Variants in KIF9 observed in about 807,000 individuals in gnomAD.
The protein encoded by KIF9 is kinesin-like protein KIF9.
In KIF9, 68 loss-of-function variants were observed where a neutral mutation model predicts 94.8. That is an observed-to-expected ratio of 0.72 (90% CI 0.59 to 0.88). The LOEUF is 0.88. Among genes scored for constraint, KIF9 ranks in the 40% least tolerant of loss-of-function variants. The probability of loss-of-function intolerance (pLI) is 0.00; values close to 1 mark genes in which losing one functional copy is unlikely to be tolerated. For synonymous variants in KIF9, 343 were observed against 362.1 expected, an observed-to-expected ratio of 0.95 and a Z score of 0.60; for missense variants, 882 against 982.5, an observed-to-expected ratio of 0.90 and a Z score of 1.37.
At chr3:47,232,441 C>T (rs1314768434) in intron 20 of KIF9, among the ~76,000 whole-genome samples, 2 of 151,894 alleles carry the variant, frequency 1.3e-5, no homozygotes, top group East Asian at 2.0e-4. Context: ...TGCGTCACCA[C>T]ACCCGGCTAA....
At chr3:47,236,214 T>C in intron 18 of KIF9, 65 bp from the exon 19 acceptor site, 1 of 1,258,292 alleles carries the variant, frequency 7.9e-7, no homozygotes, top group East Asian at 2.3e-5. Flanking sequence ...TCATCTGTCT[T>C]ATATCTGTTG....
intron 16 of KIF9, among the ~76,000 whole-genome samples, chr3:47,241,874 ATATATATATATTTTT>A (rs1346475382): frequency 1.9e-5 from 2 of 107,404 alleles, no homozygotes; most frequent in Non-Finnish European, 3.5e-5. Flanking sequence ...ACATATATAT[ATATATATATATTTTT>A]TTTTTTTTTT....
intron 11 of KIF9, among the ~76,000 whole-genome samples, chr3:47,247,778 C>T (rs557106372): frequency 6.6e-6 from 1 of 152,282 alleles, no homozygotes; most frequent in South Asian, 2.1e-4. Flanking sequence ...ATGAGAAAGG[C>T]GAGGACGGGA....
chr3:47,237,518 T>C (rs1296145185), intron 17 of KIF9, among the ~76,000 whole-genome samples: 1 of 152,202 alleles, frequency 6.6e-6, no homozygotes, highest in African/African-American at 2.4e-5. Flanking sequence ...GGTCTGTCAG[T>C]TCAGTGACAG....
Position 47,243,159 on chromosome 3 carries a change from G to A in KIF9, c.1601C>T (p.Pro534Leu), listed in dbSNP as rs1699691649. 6.2e-7 allele frequency: 1 copy of A among 1,613,952 alleles called. No individual in the cohort carries two copies. Residue 534 changes from proline to leucine, a missense_variant, in exon 16 of 21, where the codon CCA (proline) becomes CTA (leucine). Coordinates refer to ENST00000684063, the MANE Select transcript of KIF9 (RefSeq NM_182902.4). Reference sequence around the variant, plus strand: ...TTTGACATCCCCATCTTTGGAGGATGGGACCAGCTGGGTCTTGGAGGTGGA... The same window carrying A: ...TTTGACATCCCCATCTTTGGAGGATAGGACCAGCTGGGTCTTGGAGGTGGA... ...YVSTSKTQLV[P>L]SSKDGDVKDM...
intron 20 of KIF9, among the ~76,000 whole-genome samples, chr3:47,234,704 G>C (rs1465326511): frequency 6.7e-6 from 1 of 150,194 alleles, no homozygotes; most frequent in Non-Finnish European, 1.5e-5. Context: ...ACAGACATGT[G>C]CCACCACGCC....
At position 47,280,994 on chromosome 3, in the gene KIF9, T is replaced by C. The variant is rs1178368048; in HGVS notation, c.-6+1501A>G. The C allele has an allele frequency of 8.5e-6, 6 of 702,920 alleles. No homozygotes were observed. In the African/African-American group the frequency reaches 1.0e-4, roughly 12 times the overall value. The allele number at this position is 702,920 out of a possible 1,614,324, so 43.5% of individuals were successfully genotyped here. ...CCATTCTTACGTCGCTTCATTTGAG[T>C]GGGTTTCAGTTCCCAAAATTAAATT... On this transcript the variant is annotated intron_variant, in intron 1 of 20. Coordinates refer to ENST00000684063, the MANE Select transcript of KIF9 (RefSeq NM_182902.4).
intron 9 of KIF9, among the ~76,000 whole-genome samples, chr3:47,260,665 C>T (rs1439867443): frequency 6.6e-6 from 1 of 152,174 alleles, no homozygotes; most frequent in Non-Finnish European, 1.5e-5. Flanking sequence ...CACTGAAAAA[C>T]AGGGAGGTCA....
At chr3:47,261,779 C>G (rs973508744) in intron 9 of KIF9, among the ~76,000 whole-genome samples, 5 of 152,156 alleles carry the variant, frequency 3.3e-5, no homozygotes, top group Non-Finnish European at 7.4e-5. Context: ...ACAGCGAGCC[C>G]TCAAGAAGAC....
At chr3:47,250,148 G>C (rs1194325466) in intron 10 of KIF9, among the ~76,000 whole-genome samples, 1 of 151,148 alleles carries the variant, frequency 6.6e-6, no homozygotes, top group Non-Finnish European at 1.5e-5. Context: ...ACATATTCTA[G>C]ATTAGTGCTG....
Position 47,273,549 on chromosome 3 carries a change from T to C in KIF9, c.366+3A>G. 1 of 1,595,382 alleles carries C rather than the reference T, an allele frequency of 6.3e-7. No homozygotes were observed. The highest frequency in any genetic ancestry group is 8.5e-7 in the Non-Finnish European group (1 of 1,169,748). ...GCATCCCACCCTTGGGCCCACTCTC[T>C]ACCTGCTGCAGGGCACGAGGGAGGA... On this transcript the variant is annotated splice_donor_region_variant and intron_variant, in intron 4 of 20. Coordinates refer to ENST00000684063, the MANE Select transcript of KIF9 (RefSeq NM_182902.4).
rs747855296 is a variant in KIF9 at position 47,264,355 on chromosome 3, G to A, written c.917-5C>T. On this transcript the variant is annotated splice_polypyrimidine_tract_variant and splice_region_variant and intron_variant, in intron 8 of 20. Coordinates refer to ENST00000684063, the MANE Select transcript of KIF9 (RefSeq NM_182902.4). Reference sequence around the variant, plus strand: ...GGACCATATTGCAGTTTCCCCCTGCGGAAAGCAAGACACAGAAGGGCTATG... The same window carrying A: ...GGACCATATTGCAGTTTCCCCCTGCAGAAAGCAAGACACAGAAGGGCTATG... The A allele has an allele frequency of 4.0e-5, 65 of 1,612,494 alleles. No homozygotes were observed. The East Asian group carries it at 1.1e-3, about 28-fold the overall frequency.
chr3:47,247,781 G>A (rs1575983270), intron 11 of KIF9, among the ~76,000 whole-genome samples: 1 of 152,196 alleles, frequency 6.6e-6, no homozygotes, highest in South Asian at 2.1e-4. Context: ...AGAAAGGCGA[G>A]GACGGGAGGC....
At chr3:47,273,719 T>C (rs1490533121) in intron 3 of KIF9, 61 bp from the exon 4 acceptor site, 19 of 1,427,774 alleles carry the variant, frequency 1.3e-5, no homozygotes, top group Non-Finnish European at 1.8e-5. Context: ...AACTCTCCCC[T>C]CTCCCAGCAT....
At chr3:47,263,745 G>C (rs750709659) in intron 9 of KIF9, 1 of 425,614 alleles carries the variant, frequency 2.3e-6, no homozygotes, top group Non-Finnish European at 4.7e-6. Context: ...ACGTTACTTA[G>C]GACCATGGCT....
intron 1 of KIF9, 123 bp from the exon 2 acceptor site, chr3:47,277,502 GAA>G: frequency 1.5e-6 from 1 of 664,114 alleles, no homozygotes; most frequent in Non-Finnish European, 2.6e-6. Flanking sequence ...CTCTCTCCCT[GAA>G]AGCCAGTTTT....
chr3:47,229,908 G>A (rs1421092719), intron 20 of KIF9, among the ~76,000 whole-genome samples: 1 of 151,842 alleles, frequency 6.6e-6, no homozygotes, highest in Non-Finnish European at 1.5e-5. Context: ...TAGTTTTTGT[G>A]TTTTTAGTAA....
chr3:47,229,953 T>A (rs1575898469), intron 20 of KIF9, among the ~76,000 whole-genome samples: 1 of 152,090 alleles, frequency 6.6e-6, no homozygotes, highest in African/African-American at 2.4e-5. Flanking sequence ...AGGCTGGTCC[T>A]GAACTCCTCA....
intron 11 of KIF9, 34 bp downstream of exon 11, chr3:47,247,984 C>A (rs1289862542): frequency 1.3e-6 from 2 of 1,554,048 alleles, no homozygotes; most frequent in African/African-American, 2.7e-5. Flanking sequence ...TACCCCAGCA[C>A]CTCTGCCCTC....
Sources: gnomAD v4.1 joint callset for allele counts (sites outside exome capture counted in the v4.1 genomes callset) on GRCh38, gnomAD v4.1.1 for gene constraint, MANE v1.5 for transcripts, NCBI Gene and HGNC (gene_info 2026-07-23, HGNC 2026-07-21) for gene names.